SPOCD1: variants seen among roughly 807,000 people sequenced by gnomAD.
The protein encoded by SPOCD1 is SPOC domain containing 1.
Under a neutral mutation model 92.2 loss-of-function variants are expected in SPOCD1, and 64 were observed. The observed-to-expected ratio is 0.69, with a 90% confidence interval of 0.57 to 0.86. SPOCD1 has a LOEUF of 0.86. Ranked by LOEUF, SPOCD1 falls within the 40% of genes least tolerant of loss-of-function variation. SPOCD1 has a pLI of 0.00. For synonymous variants in SPOCD1, 578 were observed against 619.3 expected (o/e 0.93, Z 0.99); for missense variants, 1,360 against 1,543.1 (o/e 0.88, Z 1.99).
At chr1:31,804,781 G>A (rs148040314) in intron 2 of SPOCD1, among the ~76,000 whole-genome samples, 4 of 152,044 alleles carry the variant, frequency 2.6e-5, no homozygotes, top group African/African-American at 9.6e-5. Flanking sequence ...TATAATAACA[G>A]TGTGTAATTT....
At chr1:31,800,393 T>C in intron 4 of SPOCD1, 48 bp downstream of exon 4, 1 of 1,501,206 alleles carries the variant, frequency 6.7e-7, no homozygotes, top group Non-Finnish European at 9.0e-7. Flanking sequence ...GAATCAGGTG[T>C]GAAGGTGCCT....
Position 31,815,139 on chromosome 1 carries a change from A to G in SPOCD1, c.195T>C (p.Leu65=). The stretch of plus-strand genomic sequence containing the variant: ...CTGCAGCCCGGGAGCTGCCACCTCG[A>G]AGGGCCTCCTTCCTGGGGATCTTCC... ...SRRKIPRKEA[L]RGGSSRAAGA... Residue 65 remains leucine (L), a synonymous_variant, in exon 2 of 16, where the codon CTT becomes CTC. Transcript: ENST00000360482. 2 of 1,608,232 alleles carry G rather than the reference A, an allele frequency of 1.2e-6. No individual in the cohort carries two copies. The highest frequency in any genetic ancestry group is 2.7e-5 in the African/African-American group (2 of 74,920).
rs148171178 is a variant in SPOCD1 at position 31,814,636 on chromosome 1, C to T, written c.698G>A (p.Arg233His). 276 of 1,535,810 alleles carry T rather than the reference C, an allele frequency of 1.8e-4. No individual in the cohort carries two copies. Among genetic ancestry groups the T allele is most frequent in the Non-Finnish European group, 2.2e-4 (248 of 1,142,070 alleles). Reference sequence around the variant, plus strand: ...TCCCACAGACAGGAGGTTGTCCCCACGAGGGCTCTGATCAAGCCACAGGAA... The same window carrying T: ...TCCCACAGACAGGAGGTTGTCCCCATGAGGGCTCTGATCAAGCCACAGGAA... The part of the protein sequence containing the change: ...GDFLWLDQSP[R>H]GDNLLSVGDP... Residue 233 changes from arginine (R) to histidine (H), a missense_variant, in exon 2 of 16, where the codon CGT (arginine) becomes CAT (histidine). By Grantham distance (29) the Arg-to-His change is conservative. Transcript: ENST00000360482. The surrounding 1 kb of genome is among the most constrained non-coding windows in gnomAD (Gnocchi z 4.2).
In SPOCD1 at chr1:31,798,703, C is replaced by G; in HGVS notation, c.1869-102G>C. 7.5e-7 allele frequency: 1 copy of G among 1,336,094 alleles called. No homozygotes were observed. 82.8% of individuals were successfully genotyped at this position (1,336,094 alleles called of 1,614,324 possible). A position where few individuals can be genotyped will look rare whatever the true frequency, so the allele number is the denominator to read the frequency against. ...GGGTGGGCGGCAGGGTCTGGGCCAA[C>G]TTGTTCCTGTCGTGGGTGTTTCCCT... On this transcript the variant is annotated intron_variant, in intron 7 of 15. Transcript: ENST00000360482. This position sits in a 1 kb window ranked among gnomAD's most constrained non-coding sequence, Gnocchi z 4.1.
At chr1:31,812,115 C>A (rs1479308348) in intron 2 of SPOCD1, among the ~76,000 whole-genome samples, 1 of 152,134 alleles carries the variant, frequency 6.6e-6, no homozygotes, top group Non-Finnish European at 1.5e-5. Context: ...GTGTTAAATG[C>A]CAAACATGTG....
At chr1:31,811,554 T>C (rs1347445669) in intron 2 of SPOCD1, among the ~76,000 whole-genome samples, 1 of 151,742 alleles carries the variant, frequency 6.6e-6, no homozygotes, top group Non-Finnish European at 1.5e-5. Context: ...TCTGAAGACA[T>C]GTCTAAAGTC....
At position 31,792,282 on chromosome 1, in the gene SPOCD1, C is replaced by A; in HGVS notation, c.2895G>T (p.Gly965=). 6.2e-7 allele frequency: 1 copy of A among 1,613,586 alleles called. No individual in the cohort carries two copies. Among genetic ancestry groups the A allele is most frequent in the Non-Finnish European group, 8.5e-7 (1 of 1,179,856 alleles). Residue 965 remains glycine (G), a synonymous_variant, in exon 15 of 16, where the codon GGG becomes GGT. Coordinates refer to ENST00000360482, the MANE Select transcript of SPOCD1 (RefSeq NM_144569.7). ...RHGLASVEHM[G]MVLLPLPAFQ... ...AGGCAGGCAGGGGCAGCAGGACCAT[C>A]CCCATGTGCTCCACAGAGGCCAGCC...
chr1:31,790,932 G>C lies in SPOCD1; in HGVS notation c.3322C>G (p.Arg1108Gly). Residue 1108 changes from arginine (R) to glycine (G), a missense_variant, in exon 16 of 16, where the codon CGA (arginine) becomes GGA (glycine). Physicochemically the swap from Arg to Gly is moderately radical, Grantham distance 125. Transcript: ENST00000360482. ...CCTGGCTCTGGGGGCCACTGCCCTCGCCCAGGATGCTGCCAGTTTTCAGGC... is the reference window on the plus strand; with the variant it reads ...CCTGGCTCTGGGGGCCACTGCCCTCCCCCAGGATGCTGCCAGTTTTCAGGC... ...PEPENWQHPG[R>G]GQWPPEPGLR... 6.4e-7 allele frequency: 1 copy of C among 1,573,572 alleles called. No individual in the cohort carries two copies. The highest frequency in any genetic ancestry group is 8.6e-7 in the Non-Finnish European group (1 of 1,161,712).
rs1648208583 is a variant in SPOCD1 at position 31,798,680 on chromosome 1, G to C, written c.1869-79C>G. 2.0e-6 allele frequency: 3 copies of C among 1,517,550 alleles called. No individual in the cohort carries two copies. 94.0% of individuals were successfully genotyped at this position (1,517,550 alleles called of 1,614,324 possible). On this transcript the variant is annotated intron_variant, in intron 7 of 15. Coordinates refer to ENST00000360482, the MANE Select transcript of SPOCD1 (RefSeq NM_144569.7). The surrounding 1 kb of genome is among the most constrained non-coding windows in gnomAD (Gnocchi z 4.1). ...CTTAGTCCCAGAGGGAGGCAGCTGG[G>C]TGGGCGGCAGGGTCTGGGCCAACTT...
chr1:31,806,347 T>G lies in SPOCD1; in HGVS notation c.1384-4642A>C, dbSNP rs1261388502. Among the ~76,000 whole-genome samples, 3 of 152,150 alleles carry G rather than the reference T, an allele frequency of 2.0e-5. No individual in the cohort carries two copies. The East Asian group carries it at 5.8e-4, about 29-fold the overall frequency. On this transcript the variant is annotated intron_variant, in intron 2 of 15. Coordinates refer to ENST00000360482, the MANE Select transcript of SPOCD1 (RefSeq NM_144569.7). ...GTATACATGCAACATATATAAAAAT[T>G]GAGCAAAGCCTGGGCCAAAAAGCAA...
In SPOCD1 at chr1:31,800,539, C is replaced by G. The variant is rs1231203671; in HGVS notation, c.1504G>C (p.Glu502Gln). 1.9e-6 allele frequency: 3 copies of G among 1,612,204 alleles called. No homozygotes were observed. Among genetic ancestry groups the G allele is most frequent in the Non-Finnish European group, 2.5e-6 (3 of 1,179,402 alleles). ...QAGGQLPPKL[E>Q]VLEDLMEVSS... Reference sequence around the variant, plus strand: ...ACCTCCATCAAGTCCTCTAGAACCTCCAGCTTTGGTGGCAGCTGCCCCCCT... The same window carrying G: ...ACCTCCATCAAGTCCTCTAGAACCTGCAGCTTTGGTGGCAGCTGCCCCCCT... The change falls in exon 4 of 16, where the codon GAG becomes CAG. Residue 502 changes from glutamate to glutamine, a missense_variant. By Grantham distance (29) the Glu-to-Gln change is conservative (BLOSUM62 2). This residue lies in a region of SPOCD1 where 606 missense variants were observed against 601.5 expected (regional missense o/e 1.01). Coordinates refer to ENST00000360482, the MANE Select transcript of SPOCD1 (RefSeq NM_144569.7).
At position 31,815,967 on chromosome 1, in the gene SPOCD1, T is replaced by A. The variant is rs1649539067; in HGVS notation, c.-46A>T. 1.3e-5 allele frequency: 2 copies of A among 150,458 alleles called. No individual in the cohort carries two copies. The highest frequency in any genetic ancestry group is 4.9e-5 in the African/African-American group (2 of 40,796). 9.3% of individuals were successfully genotyped at this position (150,458 alleles called of 1,614,324 possible). On this transcript the variant is annotated 5_prime_UTR_variant, in exon 1 of 16. In the 5' UTR this introduces an upstream ATG that the reference lacks. Transcript: ENST00000360482. ...TCGGTCGCGTCGCTCTCACCTGGGC[T>A]TCCCTGAGTTTTCCCTCCTGGGGTT...
In SPOCD1 at chr1:31,814,409, G is replaced by A. The variant is rs756685934; in HGVS notation, c.925C>T (p.Pro309Ser). The change falls in exon 2 of 16, where the codon CCC becomes TCC. Residue 309 changes from proline to serine, a missense_variant. By Grantham distance (74) the Pro-to-Ser change is moderately conservative. Coordinates refer to ENST00000360482, the MANE Select transcript of SPOCD1 (RefSeq NM_144569.7). The surrounding 1 kb of genome is among the most constrained non-coding windows in gnomAD (Gnocchi z 4.2). Reference protein sequence around the residue: ...SPCGPVGFPVPSGGESLSSAA... With the variant: ...SPCGPVGFPVSSGGESLSSAA... ...GAACTGAGGGACTCCCCTCCACTGG[G>A]CACTGGGAACCCGACAGGGCCACAG... is the stretch of plus-strand genomic sequence containing the variant. The A allele has an allele frequency of 6.2e-7, 1 of 1,609,336 alleles. No homozygotes were observed. Among genetic ancestry groups the A allele is most frequent in the South Asian group, 1.1e-5 (1 of 90,484 alleles).
At chr1:31,815,857 A>AG (rs1234137605) in intron 1 of SPOCD1, 104 bp downstream of exon 1, 5 of 152,292 alleles carry the variant, frequency 3.3e-5, no homozygotes, top group Non-Finnish European at 4.4e-5. Flanking sequence ...TCTCTCTCCC[A>AG]TCGGTCCCGT....
chr1:31,815,451 C>A, intron 1 of SPOCD1, 79 bp from the exon 2 acceptor site: 2 of 1,069,464 alleles, frequency 1.9e-6, no homozygotes, highest in Non-Finnish European at 1.3e-6. Flanking sequence ...TGGGAGGAGC[C>A]CCTCTTCCAG....
At chr1:31,793,233 C>A in intron 13 of SPOCD1, 45 bp downstream of exon 13, 1 of 1,540,588 alleles carries the variant, frequency 6.5e-7, no homozygotes, top group Non-Finnish European at 8.8e-7. Flanking sequence ...GCTGCCTGGG[C>A]TGGTCAGTGT....
chr1:31,796,698 C>G lies in SPOCD1; in HGVS notation c.2163G>C (p.Glu721Asp), dbSNP rs766045514. Residue 721 changes from glutamate (E) to aspartate (D), a missense_variant, in exon 10 of 16, where the codon GAG becomes GAC. Physicochemically the swap from Glu to Asp is conservative, Grantham distance 45 (BLOSUM62 2). Coordinates refer to ENST00000360482, the MANE Select transcript of SPOCD1 (RefSeq NM_144569.7). ...GTCTGCACGGCTCCTTCTGTTGCTG[C>G]TCAATGATATTCAGGCCCTGAAGAG... ...QEEKRGLNII[E>D]QQQKEPCRLP... 2 of 1,614,246 alleles carry G rather than the reference C, an allele frequency of 1.2e-6. No individual in the cohort carries two copies. Among genetic ancestry groups the G allele is most frequent in the Non-Finnish European group, 1.7e-6 (2 of 1,180,046 alleles).
intron 10 of SPOCD1, chr1:31,796,228 T>C (rs910794921): frequency 2.7e-5 from 10 of 368,900 alleles, no homozygotes; most frequent in African/African-American, 6.3e-5. Context: ...CTTCGTTCCT[T>C]CCATCTGAAA....
At chr1:31,801,597 G>T in intron 3 of SPOCD1, 67 bp downstream of exon 3, 2 of 1,450,798 alleles carry the variant, frequency 1.4e-6, no homozygotes, top group Non-Finnish European at 1.9e-6. Context: ...CTGTGGAGGA[G>T]CCCTCCCACT....
Sources: gnomAD v4.1 joint callset for allele counts (sites outside exome capture counted in the v4.1 genomes callset) on GRCh38, gnomAD v4.1.1 for gene constraint, gnomAD v4.1.1 regional missense constraint, Gnocchi (gnomAD v3.1) non-coding constraint, MANE v1.5 for transcripts, NCBI Gene and HGNC (gene_info 2026-07-23, HGNC 2026-07-21) for gene names.